Variants in TENM2 observed in about 807,000 individuals in gnomAD.
TENM2 encodes teneurin transmembrane protein 2, also known as teneurin-2.
A neutral mutation model predicts 245.2 loss-of-function variants in TENM2; 52 were observed. The ratio of observed to expected loss-of-function variants is 0.21; its 90% CI spans 0.17 to 0.27. The LOEUF (loss-of-function observed/expected upper bound fraction) is 0.27, where lower values mean the gene tolerates loss of function less well. Ranked by LOEUF, TENM2 falls within the 10% of genes least tolerant of loss-of-function variation. The pLI, the probability that TENM2 is intolerant of heterozygous loss-of-function variation, is 1.00. For synonymous variants in TENM2, 1,363 were observed against 1,438.9 expected (o/e 0.95, Z 1.19); for missense variants, 3,046 against 3,666.8 (o/e 0.83, Z 4.37).
At chr5:167,943,848 C>A (rs1779384805) in intron 3 of TENM2, among the ~76,000 whole-genome samples, 1 of 152,142 alleles carries the variant, frequency 6.6e-6, no homozygotes, top group Non-Finnish European at 1.5e-5. Context: ...TACTGATAGG[C>A]TTTCCTCTCC....
the TENM2 span, among the ~76,000 whole-genome samples, chr5:166,992,528 T>C: frequency 6.6e-6 from 1 of 152,236 alleles, no homozygotes; most frequent in Non-Finnish European, 1.5e-5. Context: ...CCTGTAGACA[T>C]TGTATTTCAT....
intron 24 of TENM2, among the ~76,000 whole-genome samples, chr5:168,227,622 C>T (rs190257206): frequency 4.7e-5 from 7 of 149,956 alleles, no homozygotes; most frequent in Admixed American, 6.7e-5. Context: ...AATGTTTAAA[C>T]GTGCTATTAA....
At chr5:167,056,373 T>C in the TENM2 span, among the ~76,000 whole-genome samples, 1 of 150,336 alleles carries the variant, frequency 6.7e-6, no homozygotes, top group Non-Finnish European at 1.5e-5. Context: ...AAATGTTAAG[T>C]ATTTCACTCT....
At chr5:167,696,329 C>G (rs185564626) in intron 2 of TENM2, among the ~76,000 whole-genome samples, 160 of 152,276 alleles carry the variant, frequency 1.1e-3, no homozygotes, top group African/African-American at 3.5e-3. Context: ...CACATTTCCT[C>G]TGATACTTTC....
intron 13 of TENM2, among the ~76,000 whole-genome samples, chr5:168,183,728 C>T (rs7709334): frequency 0.18 from 27,446 of 151,636 alleles, 4,646 homozygotes; most frequent in African/African-American, 0.44. Flanking sequence ...CCCTGAGTCA[C>T]GGGGTTCACC....
the TENM2 span, among the ~76,000 whole-genome samples, chr5:167,239,938 A>G: frequency 2.6e-5 from 4 of 152,146 alleles, no homozygotes; most frequent in East Asian, 7.8e-4. Context: ...ATGCTCGGCT[A>G]CTTTTTTGTA....
chr5:167,992,021 C>T (rs1031791356), intron 4 of TENM2, among the ~76,000 whole-genome samples: 7 of 152,014 alleles, frequency 4.6e-5, no homozygotes, highest in East Asian at 1.9e-4. Flanking sequence ...AACTCAGGAA[C>T]GGAAAACCAA....
chr5:168,247,458 C>T lies in TENM2; in HGVS notation c.6519C>T (p.Tyr2173=). ...ATGAGATGTTCCGGTCCCTCATGTA[C>T]TGGATGACGGTGCAATATGACAGCA... Residue 2173 remains tyrosine, a synonymous_variant, in exon 27 of 29, where the codon TAC becomes TAT. Transcript: ENST00000518659. This position sits in a 1 kb window ranked among gnomAD's most constrained non-coding sequence, Gnocchi z 7.8. 1 of 1,613,010 alleles carries T rather than the reference C, an allele frequency of 6.2e-7. No homozygotes were observed. The highest frequency in any genetic ancestry group is 8.5e-7 in the Non-Finnish European group (1 of 1,179,188).
At chr5:168,212,996 A>G (rs760686063) in intron 20 of TENM2, among the ~76,000 whole-genome samples, 1 of 152,200 alleles carries the variant, frequency 6.6e-6, no homozygotes, top group Non-Finnish European at 1.5e-5. Context: ...AAAATTAATT[A>G]TCTCTCTCAT....
intron 2 of TENM2, among the ~76,000 whole-genome samples, chr5:167,461,528 C>T (rs1242520514): frequency 2.0e-5 from 3 of 152,108 alleles, no homozygotes; most frequent in Non-Finnish European, 4.4e-5. Flanking sequence ...CTGGTTACCT[C>T]CCGGCAGTCT....
chr5:167,637,033 C>T (rs769344540), intron 2 of TENM2, among the ~76,000 whole-genome samples: 6 of 152,112 alleles, frequency 3.9e-5, no homozygotes, highest in Non-Finnish European at 7.4e-5. Flanking sequence ...ATTATTTGAT[C>T]TTTCATTGCC....
chr5:168,115,208 G>A (rs548522245), intron 9 of TENM2, among the ~76,000 whole-genome samples: 188 of 151,870 alleles, frequency 1.2e-3, no homozygotes, highest in Non-Finnish European at 2.0e-3. Flanking sequence ...CAGGAGAATC[G>A]CTTGAACCCG....
intron 2 of TENM2, among the ~76,000 whole-genome samples, chr5:167,652,109 G>T (rs1338786327): frequency 2.0e-5 from 3 of 152,004 alleles, no homozygotes; most frequent in African/African-American, 4.8e-5. Context: ...GTTTTCTTTT[G>T]TTGTAAAGGT....
At chr5:167,840,240 T>G (rs1299669123) in intron 2 of TENM2, among the ~76,000 whole-genome samples, 1 of 152,186 alleles carries the variant, frequency 6.6e-6, no homozygotes, top group Admixed American at 6.5e-5. Flanking sequence ...AATTTTAACT[T>G]TGACAGAGAC....
intron 2 of TENM2, among the ~76,000 whole-genome samples, chr5:167,457,163 A>G (rs1441019518): frequency 1.3e-5 from 2 of 152,176 alleles, no homozygotes; most frequent in Non-Finnish European, 2.9e-5. Flanking sequence ...ATCATAAGAA[A>G]GTAGAAAGCC....
chr5:168,210,759 T>C (rs1180904380), intron 19 of TENM2, among the ~76,000 whole-genome samples: 1 of 152,122 alleles, frequency 6.6e-6, no homozygotes. Flanking sequence ...CTTTGTCCCT[T>C]CCCTGAAGCC....
intron 4 of TENM2, among the ~76,000 whole-genome samples, chr5:167,967,817 C>T (rs1583512152): frequency 2.0e-5 from 3 of 152,204 alleles, no homozygotes; most frequent in East Asian, 1.9e-4. Context: ...TGCTCTTTCA[C>T]CCATTCAACT....
chr5:167,868,305 A>G (rs1364704218), intron 2 of TENM2, among the ~76,000 whole-genome samples: 1 of 152,218 alleles, frequency 6.6e-6, no homozygotes, highest in Admixed American at 6.5e-5. Flanking sequence ...AGCTAGTCTG[A>G]CATTAGCACT....
chr5:168,174,879 T>C (rs558602763), intron 13 of TENM2, among the ~76,000 whole-genome samples: 4 of 152,112 alleles, frequency 2.6e-5, no homozygotes, highest in African/African-American at 9.7e-5. Context: ...TTCAAGAGTG[T>C]TGGAATAAAC....
Sources: allele counts gnomAD v4.1 joint callset (sites outside exome capture counted in the v4.1 genomes callset), GRCh38; gene constraint gnomAD v4.1.1; non-coding constraint Gnocchi (gnomAD v3.1); transcripts MANE v1.5; gene names NCBI Gene and HGNC (gene_info 2026-07-23, HGNC 2026-07-21).